The following PLEKHG4B variants were observed in gnomAD, a reference collection of about 807,000 sequenced individuals.
The protein encoded by PLEKHG4B is pleckstrin homology domain-containing family G member 4B.
Under a neutral mutation model 121.3 loss-of-function variants are expected in PLEKHG4B, and 111 were observed. The ratio of observed to expected loss-of-function variants is 0.92; its 90% CI spans 0.78 to 1.07. PLEKHG4B has a LOEUF of 1.07. Among genes scored for constraint, PLEKHG4B ranks in the 50% least tolerant of loss-of-function variants. The pLI is 0.00. For synonymous variants in PLEKHG4B, 738 were observed against 725.0 expected (o/e 1.02, Z -0.29); for missense variants, 1,831 against 1,757.8 (o/e 1.04, Z -0.74).
rs527728663 is a variant in PLEKHG4B, at chr5:141,742, A to G, written c.1477+1026A>G. On this transcript the variant is annotated intron_variant, in intron 3 of 19. Transcript: ENST00000637938. ...TTTTTTTTTTTTTTTTGAGTAAAGA[A>G]ATATCCTGTGAGTAACACAACCAGT... Among the ~76,000 whole-genome samples, 5 of 147,878 alleles carry G rather than the reference A, an allele frequency of 3.4e-5. No individual in the cohort carries two copies. In the South Asian group the frequency reaches 1.1e-3, roughly 31 times the overall value.
In PLEKHG4B at chr5:182,606, TG is replaced by T. The variant is rs1421433695; in HGVS notation, c.*284del. Reference sequence around the variant, plus strand: ...AAACAAGACAAAAAAAGACTAAACATGAAACAAAAGATGTCAAGACACAAGA... The same window carrying T: ...AAACAAGACAAAAAAAGACTAAACATAAACAAAAGATGTCAAGACACAAGA... On this transcript the variant is annotated 3_prime_UTR_variant, in exon 20 of 20. Coordinates refer to ENST00000637938, the MANE Select transcript of PLEKHG4B (RefSeq NM_052909.5). The T allele has an allele frequency of 2.4e-6, 1 of 419,566 alleles. No homozygotes were observed. The highest frequency in any genetic ancestry group is 4.3e-6 in the Non-Finnish European group (1 of 232,280). The allele number at this position is 419,566 out of a possible 1,614,324, so 26.0% of individuals were successfully genotyped here.
intron 2 of PLEKHG4B, among the ~76,000 whole-genome samples, chr5:126,504 A>G (rs1421986833): frequency 1.3e-5 from 2 of 152,164 alleles, no homozygotes; most frequent in East Asian, 3.8e-4. Flanking sequence ...TAGGTCTACT[A>G]TCAAGTCTTT....
chr5:109,723 G>A (rs1366082696), intron 1 of PLEKHG4B, among the ~76,000 whole-genome samples: 1 of 152,206 alleles, frequency 6.6e-6, no homozygotes, highest in Non-Finnish European at 1.5e-5. Flanking sequence ...GAAGAGTGAA[G>A]CTTTAAAATG....
rs1305415419 is a variant in PLEKHG4B, at chr5:156,826, A to C, written c.2402A>C (p.His801Pro). The C allele has an allele frequency of 6.3e-7, 1 of 1,592,416 alleles. No individual in the cohort carries two copies. The highest frequency in any genetic ancestry group is 1.3e-5 in the African/African-American group (1 of 74,474). ...SLYDRVDEEV[H>P]RLVLTSNNRL... ...TACGACCGAGTGGATGAGGAGGTGC[A>C]CAGGCTGGTCCTCACCTCGAACAAT... The change falls in exon 11 of 20, where the codon CAC becomes CCC. Residue 801 changes from histidine to proline, a missense_variant. By Grantham distance (77) the His-to-Pro change is moderately conservative (BLOSUM62 -2). Coordinates refer to ENST00000637938, the MANE Select transcript of PLEKHG4B (RefSeq NM_052909.5). The surrounding 1 kb of genome is among the most constrained non-coding windows in gnomAD (Gnocchi z 4.4).
intron 1 of PLEKHG4B, among the ~76,000 whole-genome samples, chr5:96,826 T>C (rs1733642690): frequency 6.6e-6 from 1 of 151,736 alleles, no homozygotes; most frequent in African/African-American, 2.4e-5. Flanking sequence ...AGGGTGGGAG[T>C]AATAAATACA....
intron 1 of PLEKHG4B, among the ~76,000 whole-genome samples, chr5:104,707 A>G (rs918119160): frequency 1.3e-5 from 2 of 152,274 alleles, no homozygotes; most frequent in African/African-American, 4.8e-5. Context: ...GGCCTCAGGC[A>G]GAGTCTCTGA....
chr5:96,444 T>C (rs1733629319), intron 1 of PLEKHG4B, among the ~76,000 whole-genome samples: 1 of 152,180 alleles, frequency 6.6e-6, no homozygotes, highest in African/African-American at 2.4e-5. Context: ...CACCAAGAAA[T>C]AGGAATTACA....
At chr5:172,749 C>G (rs1579325730) in intron 16 of PLEKHG4B, 148 bp from the exon 17 acceptor site, 1 of 815,386 alleles carries the variant, frequency 1.2e-6, no homozygotes, top group Middle Eastern at 3.7e-4. Flanking sequence ...TAACAGCTAA[C>G]ATTAAGGCGG....
At chr5:105,494 T>C (rs1733951328) in intron 1 of PLEKHG4B, among the ~76,000 whole-genome samples, 1 of 152,230 alleles carries the variant, frequency 6.6e-6, no homozygotes, top group African/African-American at 2.4e-5. Flanking sequence ...TTGTCAATGG[T>C]ATCATCCAGA....
Position 169,399 on chromosome 5 carries a change from G to A in PLEKHG4B, c.3536G>A (p.Cys1179Tyr). 6.2e-7 allele frequency: 1 copy of A among 1,614,162 alleles called. No homozygotes were observed. The highest frequency in any genetic ancestry group is 1.1e-5 in the South Asian group (1 of 91,086). Reference sequence around the variant, plus strand: ...GCCACAGAGAGGGAGTACATTCGGTGCTTAGGATACGTCATTGACAACTAT... The same window carrying A: ...GCCACAGAGAGGGAGTACATTCGGTACTTAGGATACGTCATTGACAACTAT... ...MIATEREYIR[C>Y]LGYVIDNYFP... The change falls in exon 14 of 20, where the codon TGC becomes TAC. Residue 1179 changes from cysteine (C) to tyrosine (Y), a missense_variant. Cys to Tyr is a radical substitution (Grantham distance 194). Transcript: ENST00000637938.
intron 1 of PLEKHG4B, among the ~76,000 whole-genome samples, chr5:111,895 A>G (rs112719200): frequency 3.3e-5 from 5 of 150,676 alleles, no homozygotes; most frequent in South Asian, 2.1e-4. Context: ...AGGCCCACTC[A>G]TTCTCATGGA....
At chr5:165,357 C>G (rs1443089539) in intron 13 of PLEKHG4B, among the ~76,000 whole-genome samples, 1 of 29,282 alleles carries the variant, frequency 3.4e-5, no homozygotes, top group Non-Finnish European at 8.0e-5. Context: ...CACTAATGCT[C>G]TGACGGGGCG....
At chr5:162,449 C>T (rs1023010047) in intron 12 of PLEKHG4B, among the ~76,000 whole-genome samples, 2 of 152,074 alleles carry the variant, frequency 1.3e-5, no homozygotes, top group African/African-American at 4.8e-5. Context: ...CAGGATGTGG[C>T]ATAACTGATC....
Position 157,895 on chromosome 5 carries a change from G to A in PLEKHG4B, c.2487+984G>A, listed in dbSNP as rs1735844346. ...TCCTGTCTGCTGGCAAAGCTCCCCC[G>A]GCCTTCAGGTCCATGCGCGTGCCCT... On this transcript the variant is annotated intron_variant, in intron 11 of 19. Transcript: ENST00000637938. This position sits in a 1 kb window ranked among gnomAD's most constrained non-coding sequence, Gnocchi z 4.6. Among the ~76,000 whole-genome samples, 1 of 152,104 alleles carries A rather than the reference G, an allele frequency of 6.6e-6. No homozygotes were observed. Among genetic ancestry groups the A allele is most frequent in the Non-Finnish European group, 1.5e-5 (1 of 67,986 alleles).
chr5:150,022 AC>A (rs1735554139), intron 6 of PLEKHG4B, among the ~76,000 whole-genome samples: 1 of 152,224 alleles, frequency 6.6e-6, no homozygotes, highest in African/African-American at 2.4e-5. Context: ...CTGGGTATAT[AC>A]CCAAGAAATT....
chr5:97,519 G>T lies in PLEKHG4B; in HGVS notation c.45+5243G>T, dbSNP rs575278159. On this transcript the variant is annotated intron_variant, in intron 1 of 19. Transcript: ENST00000637938. The stretch of plus-strand genomic sequence containing the variant: ...CTGTCTCTATGGATTTATCTATTCC[G>T]GACATTTCATATCAACGGAATCGCA... Among the ~76,000 whole-genome samples the T allele has an allele frequency of 2.6e-5, 4 of 152,288 alleles. No individual in the cohort carries two copies. In the South Asian group the frequency reaches 8.3e-4, roughly 32 times the overall value.
chr5:95,654 C>T (rs1372989144), intron 1 of PLEKHG4B, among the ~76,000 whole-genome samples: 2 of 152,208 alleles, frequency 1.3e-5, no homozygotes, highest in African/African-American at 2.4e-5. Flanking sequence ...AGAGCCTGCC[C>T]TGTGGGACTC....
chr5:98,457 A>G (rs1169038356), intron 1 of PLEKHG4B, among the ~76,000 whole-genome samples: 3 of 65,220 alleles, frequency 4.6e-5, no homozygotes, highest in African/African-American at 1.2e-4. Flanking sequence ...TTTTTTTGAG[A>G]TGGAGTCTCA....
chr5:166,805 C>T (rs1736368337), intron 13 of PLEKHG4B, among the ~76,000 whole-genome samples: 1 of 152,240 alleles, frequency 6.6e-6, no homozygotes, highest in Non-Finnish European at 1.5e-5. Context: ...TTCTGAAACA[C>T]ACCTTTAGGT....
Sources: allele counts gnomAD v4.1 joint callset (sites outside exome capture counted in the v4.1 genomes callset), GRCh38; gene constraint gnomAD v4.1.1; non-coding constraint Gnocchi (gnomAD v3.1); transcripts MANE v1.5; gene names NCBI Gene and HGNC (gene_info 2026-07-23, HGNC 2026-07-21).